Variants in ZRANB3 observed in about 807,000 individuals in gnomAD.
ZRANB3 encodes DNA annealing helicase and endonuclease ZRANB3.
A neutral mutation model predicts 133.8 loss-of-function variants in ZRANB3; 125 were observed. The observed-to-expected ratio is 0.93, with a 90% CI of 0.81 to 1.08. The LOEUF (loss-of-function observed/expected upper bound fraction) is 1.08. Among genes scored for constraint, ZRANB3 ranks in the 50% least tolerant of loss-of-function variants. The pLI is 0.00. For synonymous variants in ZRANB3, 387 were observed against 432.7 expected (o/e 0.89, Z 1.31); for missense variants, 1,229 against 1,275.5 (o/e 0.96, Z 0.56).
intron 2 of ZRANB3, among the ~76,000 whole-genome samples, chr2:135,481,067 A>G (rs1691776790): frequency 1.3e-5 from 2 of 152,084 alleles, no homozygotes; most frequent in African/African-American, 4.8e-5. Flanking sequence ...TAATGCCGCA[A>G]TAAACATACG....
At chr2:135,443,306 T>A (rs1689868243) in intron 2 of ZRANB3, among the ~76,000 whole-genome samples, 1 of 141,852 alleles carries the variant, frequency 7.0e-6, no homozygotes, top group Non-Finnish European at 1.5e-5. Context: ...TTCTCACTCA[T>A]AAGTGGCAGT....
chr2:135,430,536 T>C (rs572232502), intron 2 of ZRANB3, among the ~76,000 whole-genome samples: 4 of 152,116 alleles, frequency 2.6e-5, no homozygotes, highest in Admixed American at 6.5e-5. Context: ...ATAGATGAAT[T>C]GTCAGATAAA....
At position 135,230,557 on chromosome 2, in the gene ZRANB3, T is replaced by G. The variant is rs59900519; in HGVS notation, c.1910A>C (p.Glu637Ala). 1.3e-6 allele frequency: 2 copies of G among 1,567,726 alleles called. No individual in the cohort carries two copies. The highest frequency in any genetic ancestry group is 8.6e-7 in the Non-Finnish European group (1 of 1,162,290). The change falls in exon 13 of 21, where the codon GAG (glutamate) becomes GCG (alanine). Residue 637 changes from glutamate (E) to alanine (A), a missense_variant. Transcript: ENST00000264159. Reference protein sequence around the residue: ...CSLCTYINNSELPYCEMCETP... With the variant: ...CSLCTYINNSALPYCEMCETP... ...CTCACACATTTCACAATAAGGTAACTCTGAATTATTGATATAGGTGCAGAG... is the reference window on the plus strand; with the variant it reads ...CTCACACATTTCACAATAAGGTAACGCTGAATTATTGATATAGGTGCAGAG...
At chr2:135,521,780 T>C (rs777636779) in intron 1 of ZRANB3, among the ~76,000 whole-genome samples, 5 of 152,184 alleles carry the variant, frequency 3.3e-5, no homozygotes, top group African/African-American at 7.2e-5. Context: ...TGAGAAAAAA[T>C]GCTTGGTATG....
Position 135,349,973 on chromosome 2 carries a change from G to A in ZRANB3, c.591+11C>T. 6.2e-7 allele frequency: 1 copy of A among 1,611,198 alleles called. No homozygotes were observed. Among genetic ancestry groups the A allele is most frequent in the Non-Finnish European group, 8.5e-7 (1 of 1,178,322 alleles). On this transcript the variant is annotated intron_variant, in intron 5 of 20. Coordinates refer to ENST00000264159, the MANE Select transcript of ZRANB3 (RefSeq NM_032143.4). Reference sequence around the variant, plus strand: ...TCTTCTTTTAAGTTCGAAGTATAAGGATTGTAATACCTCTTCAGGCCTTCC... The same window carrying A: ...TCTTCTTTTAAGTTCGAAGTATAAGAATTGTAATACCTCTTCAGGCCTTCC...
chr2:135,241,105 T>C (rs1487310392), intron 12 of ZRANB3, among the ~76,000 whole-genome samples: 1 of 152,176 alleles, frequency 6.6e-6, no homozygotes, highest in Non-Finnish European at 1.5e-5. Flanking sequence ...TTGAATACTA[T>C]TATCTTTAGC....
intron 2 of ZRANB3, among the ~76,000 whole-genome samples, chr2:135,480,164 G>A (rs180713932): frequency 8.9e-4 from 135 of 150,916 alleles, no homozygotes; most frequent in African/African-American, 3.2e-3. Flanking sequence ...GGAAGGTCTC[G>A]ATCTCCTGAC....
intron 2 of ZRANB3, among the ~76,000 whole-genome samples, chr2:135,454,619 C>A (rs1690413848): frequency 1.3e-5 from 2 of 152,114 alleles, no homozygotes; most frequent in Non-Finnish European, 2.9e-5. Flanking sequence ...TCTCCAAGGT[C>A]CATTATACCA....
intron 2 of ZRANB3, among the ~76,000 whole-genome samples, chr2:135,450,227 C>T (rs1332167919): frequency 2.0e-5 from 3 of 150,838 alleles, no homozygotes; most frequent in East Asian, 1.9e-4. Context: ...GATGACGCCA[C>T]TGCACTCCAG....
chr2:135,320,469 G>A (rs1280629935), intron 6 of ZRANB3, among the ~76,000 whole-genome samples: 1 of 152,112 alleles, frequency 6.6e-6, no homozygotes, highest in East Asian at 1.9e-4. Flanking sequence ...AGACATTTAT[G>A]AAACATGAAC....
chr2:135,231,721 G>C (rs941152259), intron 12 of ZRANB3, among the ~76,000 whole-genome samples: 4 of 152,168 alleles, frequency 2.6e-5, no homozygotes, highest in African/African-American at 9.7e-5. Context: ...CTCGGAGGTT[G>C]AGGCTACAGT....
At chr2:135,322,853 C>T (rs1406748130) in intron 6 of ZRANB3, among the ~76,000 whole-genome samples, 10 of 151,862 alleles carry the variant, frequency 6.6e-5, no homozygotes, top group Admixed American at 5.9e-4. Context: ...CCCATCTCTA[C>T]TAAAAATACA....
At chr2:135,447,144 A>G (rs1342672830) in intron 2 of ZRANB3, among the ~76,000 whole-genome samples, 1 of 152,110 alleles carries the variant, frequency 6.6e-6, no homozygotes, top group Non-Finnish European at 1.5e-5. Flanking sequence ...TCCCGGGTTC[A>G]AATGATTCTC....
rs1387181657 is a variant in ZRANB3 at position 135,230,705 on chromosome 2, T to G, written c.1762A>C (p.Ser588Arg). ...LKLAASEDHC[S>R]PSEETPSQSK... is the part of the protein sequence containing the mutation. ...TGGGATGGTGTCTCTTCCGACGGAC[T>G]GCAGTGGTCTTCCGAGGCAGCCAAT... The change falls in exon 13 of 21, where the codon AGT (serine) becomes CGT (arginine). Residue 588 changes from serine to arginine, a missense_variant. Transcript: ENST00000264159. 6.2e-7 allele frequency: 1 copy of G among 1,612,844 alleles called. No individual in the cohort carries two copies. Among genetic ancestry groups the G allele is most frequent in the Non-Finnish European group, 8.5e-7 (1 of 1,179,516 alleles).
At chr2:135,445,345 G>A (rs565004295) in intron 2 of ZRANB3, among the ~76,000 whole-genome samples, 1 of 152,294 alleles carries the variant, frequency 6.6e-6, no homozygotes, top group African/African-American at 2.4e-5. Context: ...TGGGGAGGCT[G>A]AGGCAGGAGA....
chr2:135,299,029 G>C (rs1270131244), intron 8 of ZRANB3, among the ~76,000 whole-genome samples: 2 of 152,134 alleles, frequency 1.3e-5, no homozygotes, highest in African/African-American at 4.8e-5. Context: ...CCCTGGACAA[G>C]TATTCCACTT....
intron 2 of ZRANB3, among the ~76,000 whole-genome samples, chr2:135,411,278 T>C (rs180861862): frequency 6.6e-6 from 1 of 151,846 alleles, no homozygotes; most frequent in Non-Finnish European, 1.5e-5. Flanking sequence ...GGCAAGAATA[T>C]GAAGAAAAGA....
intron 2 of ZRANB3, among the ~76,000 whole-genome samples, chr2:135,426,512 C>A (rs1689074723): frequency 6.6e-6 from 1 of 151,942 alleles, no homozygotes; most frequent in African/African-American, 2.4e-5. Context: ...TAGGCTTTAT[C>A]CTTGGGATGC....
chr2:135,453,260 C>T (rs1690353673), intron 2 of ZRANB3, among the ~76,000 whole-genome samples: 1 of 152,188 alleles, frequency 6.6e-6, no homozygotes, highest in Non-Finnish European at 1.5e-5. Flanking sequence ...ATTTTTTCCT[C>T]CTGGGCCTCC....
Sources: allele counts gnomAD v4.1 joint callset (sites outside exome capture counted in the v4.1 genomes callset), GRCh38; gene constraint gnomAD v4.1.1; transcripts MANE v1.5; gene names NCBI Gene and HGNC (gene_info 2026-07-23, HGNC 2026-07-21).